The following SLC9A4 variants were observed in gnomAD, a reference collection of about 807,000 sequenced individuals.
SLC9A4 encodes sodium/hydrogen exchanger 4.
Under a neutral mutation model 67.4 loss-of-function variants are expected in SLC9A4, and 63 were observed. The ratio of observed to expected loss-of-function variants is 0.93; its 90% CI spans 0.76 to 1.15. The LOEUF is 1.15. Ranked by LOEUF, SLC9A4 falls within the 50% of genes most tolerant of loss-of-function variation. The probability of loss-of-function intolerance (pLI) is 0.00; values close to 1 mark genes in which losing one functional copy is unlikely to be tolerated. For synonymous variants in SLC9A4, 393 were observed against 367.2 expected, an observed-to-expected ratio of 1.07 and a Z score of -0.80; for missense variants, 1,089 against 987.7, an observed-to-expected ratio of 1.10 and a Z score of -1.38.
chr2:102,524,556 T>TTTTGTGTGTGTG (rs1553414867), intron 9 of SLC9A4, among the ~76,000 whole-genome samples: 1 of 145,416 alleles, frequency 6.9e-6, no homozygotes. Flanking sequence ...GTGATAGGAA[T>TTTTGTGTGTGTG]TGTGTGTGTG....
intron 1 of SLC9A4, among the ~76,000 whole-genome samples, chr2:102,476,152 T>C (rs1398991497): frequency 6.6e-6 from 1 of 152,178 alleles, no homozygotes; most frequent in African/African-American, 2.4e-5. Context: ...CCCAACTATA[T>C]GCACTTATAA....
chr2:102,514,549 CTG>C (rs1685236574), intron 8 of SLC9A4, among the ~76,000 whole-genome samples: 1 of 152,170 alleles, frequency 6.6e-6, no homozygotes, highest in South Asian at 2.1e-4. Context: ...TTTTACAAGA[CTG>C]TCTCATTTTC....
At chr2:102,507,461 A>G (rs1466529311) in intron 4 of SLC9A4, among the ~76,000 whole-genome samples, 1 of 152,148 alleles carries the variant, frequency 6.6e-6, no homozygotes, top group Non-Finnish European at 1.5e-5. Flanking sequence ...CTATGTTTCA[A>G]GCAAGCTCTT....
intron 11 of SLC9A4, among the ~76,000 whole-genome samples, chr2:102,531,062 C>CTT (rs5833023): frequency 0.21 from 24,750 of 116,184 alleles, 3,513 homozygotes; most frequent in African/African-American, 0.26. Context: ...TACCTAAATT[C>CTT]TTTTTTTTTT....
At chr2:102,481,339 A>T (rs1158441851) in intron 2 of SLC9A4, among the ~76,000 whole-genome samples, 1 of 152,224 alleles carries the variant, frequency 6.6e-6, no homozygotes, top group African/African-American at 2.4e-5. Context: ...TTCTAATGCC[A>T]TGAGCAAAAA....
Position 102,514,259 on chromosome 2 carries a change from A to G in SLC9A4, c.1721+8A>G. The G allele has an allele frequency of 3.1e-6, 5 of 1,588,638 alleles. No homozygotes were observed. The highest frequency in any genetic ancestry group is 4.3e-6 in the Non-Finnish European group (5 of 1,165,342). Reference sequence around the variant, plus strand: ...TTTCTCCATACCCCATCAGTGAGTCATATCTGTTCTTTGTTCTAAACTTTC... The same window carrying G: ...TTTCTCCATACCCCATCAGTGAGTCGTATCTGTTCTTTGTTCTAAACTTTC... On this transcript the variant is annotated splice_region_variant and intron_variant, in intron 8 of 11. Transcript: ENST00000295269.
intron 9 of SLC9A4, 143 bp from the exon 10 acceptor site, chr2:102,524,881 T>G: frequency 1.0e-6 from 1 of 962,466 alleles, no homozygotes; most frequent in Non-Finnish European, 1.6e-6. Flanking sequence ...GCTTGTTCAT[T>G]CGTAATCAAG....
intron 4 of SLC9A4, among the ~76,000 whole-genome samples, chr2:102,507,699 T>G (rs541104704): frequency 6.0e-4 from 92 of 152,252 alleles, no homozygotes; most frequent in Non-Finnish European, 6.8e-4. Context: ...AGAATGCATT[T>G]ATCCCCCCAC....
chr2:102,526,319 A>G lies in SLC9A4; in HGVS notation c.2011A>G (p.Arg671Gly). 1 of 1,613,716 alleles carries G rather than the reference A, an allele frequency of 6.2e-7. No homozygotes were observed. Residue 671 changes from arginine (R) to glycine (G), a missense_variant, in exon 11 of 12, where the codon AGA (arginine) becomes GGA (glycine). Physicochemically the swap from Arg to Gly is moderately radical, Grantham distance 125. Coordinates refer to ENST00000295269, the MANE Select transcript of SLC9A4 (RefSeq NM_001011552.4). ...CTACGGGAATCCTCAGTCTGCAGGA[A>G]GAGACACAAGGGCTGCTGGGTTCTC... Reference protein sequence around the residue: ...YPYGNPQSAGRDTRAAGFSDD... With the variant: ...YPYGNPQSAGGDTRAAGFSDD...
chr2:102,524,965 C>T (rs1674627837), intron 9 of SLC9A4, 59 bp from the exon 10 acceptor site: 1 of 1,602,024 alleles, frequency 6.2e-7, no homozygotes, highest in African/African-American at 1.3e-5. Context: ...CCATGGCTTC[C>T]TTGGCTGAAA....
At position 102,480,271 on chromosome 2, in the gene SLC9A4, A is replaced by G. The variant is rs115485977; in HGVS notation, c.720+969A>G. Among the ~76,000 whole-genome samples the G allele has an allele frequency of 1.2e-3, 189 of 152,028 alleles. 2 individuals carry two copies. Among genetic ancestry groups the G allele is most frequent in the African/African-American group, 4.4e-3 (184 of 41,476 alleles). ...TATACAACATTTTTGCAAATCTTTTATCATCTATGTGTGTGTGATCTGTAT... is the reference window on the plus strand; with the variant it reads ...TATACAACATTTTTGCAAATCTTTTGTCATCTATGTGTGTGTGATCTGTAT... On this transcript the variant is annotated intron_variant, in intron 2 of 11. Transcript: ENST00000295269.
At chr2:102,526,918 G>A (rs1380603401) in intron 11 of SLC9A4, among the ~76,000 whole-genome samples, 4 of 152,086 alleles carry the variant, frequency 2.6e-5, no homozygotes, top group African/African-American at 9.6e-5. Flanking sequence ...TTTGCTATTA[G>A]CAAAAGGTGA....
intron 2 of SLC9A4, among the ~76,000 whole-genome samples, chr2:102,498,133 T>C (rs1307187791): frequency 6.6e-6 from 1 of 152,228 alleles, no homozygotes; most frequent in Non-Finnish European, 1.5e-5. Flanking sequence ...AGCTTTTCCC[T>C]TCAGTGTATA....
rs568324277 is a variant in SLC9A4 at position 102,491,638 on chromosome 2, G to A, written c.721-11810G>A. Among the ~76,000 whole-genome samples, 3 of 152,172 alleles carry A rather than the reference G, an allele frequency of 2.0e-5. No individual in the cohort carries two copies. The East Asian group carries it at 5.8e-4, about 29-fold the overall frequency. On this transcript the variant is annotated intron_variant, in intron 2 of 11. Coordinates refer to ENST00000295269, the MANE Select transcript of SLC9A4 (RefSeq NM_001011552.4). The stretch of plus-strand genomic sequence containing the variant: ...CTGGGTCCCTCCCATGACAAGTAGG[G>A]ATTATGCGAGCTACAATTCAAGATG...
At chr2:102,479,355 G>A in intron 2 of SLC9A4, 53 bp downstream of exon 2, 3 of 1,529,838 alleles carry the variant, frequency 2.0e-6, no homozygotes, top group Non-Finnish European at 2.6e-6. Context: ...GTTCGGGGTG[G>A]GGCTGGGGAC....
intron 8 of SLC9A4, among the ~76,000 whole-genome samples, chr2:102,515,328 C>T (rs1685254388): frequency 6.6e-6 from 1 of 151,248 alleles, no homozygotes; most frequent in African/African-American, 2.4e-5. Context: ...AACACCCTTG[C>T]ATTTCTTACA....
At chr2:102,489,375 G>T (rs770071741) in intron 2 of SLC9A4, among the ~76,000 whole-genome samples, 5 of 152,120 alleles carry the variant, frequency 3.3e-5, no homozygotes, top group Non-Finnish European at 5.9e-5. Context: ...GAAAGAAATT[G>T]TTCGGTAGTT....
intron 2 of SLC9A4, among the ~76,000 whole-genome samples, chr2:102,481,328 T>C (rs972355695): frequency 2.0e-5 from 3 of 152,224 alleles, no homozygotes; most frequent in African/African-American, 7.2e-5. Context: ...TCCTTAATGT[T>C]TTCTAATGCC....
Position 102,478,900 on chromosome 2 carries a change from G to A in SLC9A4, c.318G>A (p.Val106=), listed in dbSNP as rs146079308. ...LMPESCLLIL[V]GALVGGIIFG... ...CAGAAAGCTGCCTCCTCATCCTGGT[G>A]GGGGCGCTGGTGGGCGGCATCATCT... is the stretch of plus-strand genomic sequence containing the variant. Residue 106 remains valine, a synonymous_variant, in exon 2 of 12, where the codon GTG becomes GTA. Transcript: ENST00000295269. 511 of 1,614,118 alleles carry A rather than the reference G, an allele frequency of 3.2e-4. No homozygotes were observed. In the East Asian group the frequency reaches 5.1e-3, roughly 16 times the overall value.
Sources: gnomAD v4.1 joint callset for allele counts (sites outside exome capture counted in the v4.1 genomes callset) on GRCh38, gnomAD v4.1.1 for gene constraint, MANE v1.5 for transcripts, NCBI Gene and HGNC (gene_info 2026-07-23, HGNC 2026-07-21) for gene names.